ADAP2: variants seen among roughly 807,000 people sequenced by gnomAD.
ADAP2 encodes the protein arf-GAP with dual PH domain-containing protein 2.
Under a neutral mutation model 54.9 loss-of-function variants are expected in ADAP2, and 42 were observed. The ratio of observed to expected loss-of-function variants is 0.77; its 90% CI spans 0.60 to 0.99. The LOEUF (loss-of-function observed/expected upper bound fraction) is 0.99. ADAP2 is among the 50% of genes least tolerant of loss of function. ADAP2 has a pLI of 0.00. For missense variants in ADAP2, 429 were observed against 480.4 expected, an observed-to-expected ratio of 0.89 and a Z score of 1.00; for synonymous variants, 177 against 180.1, an observed-to-expected ratio of 0.98 and a Z score of 0.14.
intron 3 of ADAP2, among the ~76,000 whole-genome samples, chr17:30,931,315 G>A (rs1911462286): frequency 1.3e-5 from 2 of 152,134 alleles, no homozygotes; most frequent in Non-Finnish European, 2.9e-5. Flanking sequence ...AGACATTTTT[G>A]GGTGCCACAA....
intron 7 of ADAP2, among the ~76,000 whole-genome samples, chr17:30,952,842 C>T (rs1277328420): frequency 6.6e-6 from 1 of 152,122 alleles, no homozygotes; most frequent in East Asian, 1.9e-4. Context: ...TTTGTGCTAC[C>T]AGTGATGTGA....
intron 5 of ADAP2, among the ~76,000 whole-genome samples, chr17:30,938,992 C>T (rs1490962202): frequency 6.6e-6 from 1 of 152,146 alleles, no homozygotes; most frequent in African/African-American, 2.4e-5. Flanking sequence ...TATAAAAGGT[C>T]TGTCCAATGT....
At chr17:30,924,630 A>T (rs1310684083) in intron 2 of ADAP2, among the ~76,000 whole-genome samples, 1 of 152,102 alleles carries the variant, frequency 6.6e-6, no homozygotes, top group Non-Finnish European at 1.5e-5. Flanking sequence ...GCAGGCTGAC[A>T]TTTACTGAAT....
At chr17:30,950,676 G>A (rs1030407069) in intron 7 of ADAP2, among the ~76,000 whole-genome samples, 2 of 152,184 alleles carry the variant, frequency 1.3e-5, no homozygotes, top group East Asian at 1.9e-4. Flanking sequence ...GGAGCCAGTT[G>A]TCTGGAATAG....
At chr17:30,948,209 G>T (rs992869866) in intron 6 of ADAP2, among the ~76,000 whole-genome samples, 2 of 152,072 alleles carry the variant, frequency 1.3e-5, no homozygotes, top group African/African-American at 4.8e-5. Flanking sequence ...TCATAGTAAA[G>T]AACTTAAGAC....
chr17:30,931,004 AT>A (rs1175413620), intron 3 of ADAP2, among the ~76,000 whole-genome samples: 2 of 152,192 alleles, frequency 1.3e-5, no homozygotes, highest in African/African-American at 4.8e-5. Context: ...TAACTTGCTC[AT>A]GGTCACACAG....
At chr17:30,944,876 C>G in intron 5 of ADAP2, 31 bp from the exon 6 acceptor site, 1 of 1,608,574 alleles carries the variant, frequency 6.2e-7, no homozygotes, top group Non-Finnish European at 8.5e-7. Flanking sequence ...TGTGGACTGT[C>G]AGCGTCTTTC....
At chr17:30,940,368 G>A (rs1448522211) in intron 5 of ADAP2, among the ~76,000 whole-genome samples, 1 of 150,904 alleles carries the variant, frequency 6.6e-6, no homozygotes, top group Non-Finnish European at 1.5e-5. Context: ...ACAGTGGCAC[G>A]ATCTCGGCTC....
intron 7 of ADAP2, among the ~76,000 whole-genome samples, chr17:30,951,140 A>G (rs1374801989): frequency 2.0e-5 from 3 of 152,138 alleles, no homozygotes; most frequent in Admixed American, 2.0e-4. Context: ...ATAAATGCAT[A>G]TGGTCTCTTG....
chr17:30,956,305 A>G lies in ADAP2; in HGVS notation c.947A>G (p.Asp316Gly). ...GAGCAGGGATATGAAGCCTACGAAG[A>G]CCTGCCCAAGGGCATCCGAGGAAAT... ...NKEQGYEAYE[D>G]LPKGIRGNRW... The change falls in exon 10 of 11, where the codon GAC becomes GGC. Residue 316 changes from aspartate (D) to glycine (G), a missense_variant. Transcript: ENST00000330889. 2.5e-6 allele frequency: 4 copies of G among 1,614,184 alleles called. No individual in the cohort carries two copies. The highest frequency in any genetic ancestry group is 3.4e-6 in the Non-Finnish European group (4 of 1,180,028).
At chr17:30,950,261 G>A (rs146225901) in intron 7 of ADAP2, among the ~76,000 whole-genome samples, 3 of 152,278 alleles carry the variant, frequency 2.0e-5, no homozygotes, top group Admixed American at 6.5e-5. Flanking sequence ...ATGGGGAGCC[G>A]AGAACTTCAT....
Position 30,922,119 on chromosome 17 carries a change from G to A in ADAP2, c.94+11G>A. On this transcript the variant is annotated intron_variant, in intron 1 of 10. Transcript: ENST00000330889. ...ACTGCGGGGCGGCAGGTAAGGGCGC[G>A]GCGGCGCGGGCAGCGCGAGACCCCC... 8.1e-7 allele frequency: 1 copy of A among 1,236,522 alleles called. No individual in the cohort carries two copies. The highest frequency in any genetic ancestry group is 1.0e-6 in the Non-Finnish European group (1 of 990,314). 76.6% of individuals were successfully genotyped at this position (1,236,522 alleles called of 1,614,324 possible).
At chr17:30,934,069 G>C in intron 4 of ADAP2, 116 bp from the exon 5 acceptor site, 1 of 693,680 alleles carries the variant, frequency 1.4e-6, no homozygotes, top group South Asian at 1.9e-5. Context: ...TCTGAGTGGA[G>C]ATACTTTGGC....
chr17:30,935,037 A>G (rs1478701967), intron 5 of ADAP2, among the ~76,000 whole-genome samples: 3 of 152,106 alleles, frequency 2.0e-5, no homozygotes, highest in Admixed American at 1.3e-4. Flanking sequence ...TGGGTGACAG[A>G]GTGAGACCCT....
intron 3 of ADAP2, among the ~76,000 whole-genome samples, chr17:30,931,047 G>C (rs1911439883): frequency 6.6e-6 from 1 of 152,176 alleles, no homozygotes; most frequent in Non-Finnish European, 1.5e-5. Context: ...CCAGGTCCCA[G>C]GTGGTCAGAT....
chr17:30,936,971 T>C (rs1415757816), intron 5 of ADAP2, among the ~76,000 whole-genome samples: 9 of 152,198 alleles, frequency 5.9e-5, no homozygotes, highest in African/African-American at 1.7e-4. Flanking sequence ...CTCTGTCACC[T>C]AGGCTGGAGT....
intron 2 of ADAP2, among the ~76,000 whole-genome samples, chr17:30,923,379 C>T (rs529504702): frequency 3.3e-4 from 50 of 151,876 alleles, no homozygotes; most frequent in Non-Finnish European, 6.3e-4. Flanking sequence ...ATTCTCCTGC[C>T]TCAGCTTCTC....
Position 30,958,938 on chromosome 17 carries a change from A to G in ADAP2, c.*1069A>G, listed in dbSNP as rs533056663. On this transcript the variant is annotated 3_prime_UTR_variant, in exon 11 of 11. Transcript: ENST00000330889. ...TATGGGACTTTCCTTTGGATCCCCC[A>G]ATCAAAGGATAAGCAATGCGTAAGC... is the stretch of plus-strand genomic sequence containing the variant. 5 of 152,010 alleles carry G rather than the reference A, an allele frequency of 3.3e-5. No individual in the cohort carries two copies. In the South Asian group the frequency reaches 1.0e-3, roughly 32 times the overall value. The allele number at this position is 152,010 out of a possible 1,614,324, so 9.4% of individuals were successfully genotyped here.
At chr17:30,932,370 C>G (rs1911558399) in intron 4 of ADAP2, among the ~76,000 whole-genome samples, 1 of 151,526 alleles carries the variant, frequency 6.6e-6, no homozygotes, top group African/African-American at 2.4e-5. Context: ...CTAGCTGGGA[C>G]TACAGGCACA....
Sources: gnomAD v4.1 joint callset for allele counts (sites outside exome capture counted in the v4.1 genomes callset) on GRCh38, gnomAD v4.1.1 for gene constraint, MANE v1.5 for transcripts, NCBI Gene and HGNC (gene_info 2026-07-23, HGNC 2026-07-21) for gene names.